DCLRE1C: variants seen among roughly 807,000 people sequenced by gnomAD.
The protein encoded by DCLRE1C is protein artemis.
In DCLRE1C, 47 loss-of-function variants were observed where a neutral mutation model predicts 61.4. The ratio of observed to expected loss-of-function variants is 0.77; its 90% CI spans 0.61 to 0.98. DCLRE1C has a LOEUF of 0.98. Among genes scored for constraint, DCLRE1C ranks in the 50% least tolerant of loss-of-function variants. The pLI is 0.00. For missense variants in DCLRE1C, 858 were observed against 816.0 expected, an observed-to-expected ratio of 1.05 and a Z score of -0.63; for synonymous variants, 337 against 287.6, an observed-to-expected ratio of 1.17 and a Z score of -1.74.
chr10:14,954,130 G>A, upstream of DCLRE1C: 1 of 1,541,846 alleles, frequency 6.5e-7, no homozygotes, highest in South Asian at 1.2e-5. Flanking sequence ...GCCGAACGCA[G>A]CCACGTCCAA....
chr10:14,912,840 CCTGG>C (rs1835496984), intron 13 of DCLRE1C, among the ~76,000 whole-genome samples: 1 of 152,156 alleles, frequency 6.6e-6, no homozygotes, highest in African/African-American at 2.4e-5. Context: ...CGCCACCACA[CCTGG>C]CTAATTTTTT....
chr10:14,945,949 C>T (rs1451950272), intron 2 of DCLRE1C, among the ~76,000 whole-genome samples: 15 of 147,484 alleles, frequency 1.0e-4, no homozygotes, highest in African/African-American at 3.3e-4. Flanking sequence ...AGAGCCACTG[C>T]GCCCGGCCTA....
At chr10:14,909,537 T>G (rs1834894208) in intron 13 of DCLRE1C, among the ~76,000 whole-genome samples, 1 of 151,310 alleles carries the variant, frequency 6.6e-6, no homozygotes, top group Non-Finnish European at 1.5e-5. Context: ...GTGGAGAATA[T>G]AGAGCAGTCA....
intron 1 of DCLRE1C, among the ~76,000 whole-genome samples, chr10:14,950,451 AC>A (rs916320151): frequency 6.6e-6 from 1 of 151,188 alleles, no homozygotes; most frequent in Non-Finnish European, 1.5e-5. Context: ...ACACACAAGC[AC>A]CCCCTCAATT....
chr10:14,898,756 C>T (rs1466138886), exon 14 of DCLRE1C: 1 of 153,658 alleles, frequency 6.5e-6, no homozygotes, highest in East Asian at 1.9e-4. Context: ...CTTAGACTTA[C>T]AGAATTGCAT....
intron 5 of DCLRE1C, among the ~76,000 whole-genome samples, chr10:14,935,906 C>A (rs957807380): frequency 8.5e-5 from 13 of 152,230 alleles, no homozygotes; most frequent in Admixed American, 2.6e-4. Flanking sequence ...TGAAGACTTC[C>A]ATTTATTTAT....
At chr10:14,910,268 T>A (rs541174115) in intron 13 of DCLRE1C, among the ~76,000 whole-genome samples, 5 of 152,370 alleles carry the variant, frequency 3.3e-5, no homozygotes, top group African/African-American at 1.2e-4. Flanking sequence ...GACTTGTAAC[T>A]GAACTTAGGG....
Position 14,907,160 on chromosome 10 carries a change from T to G in DCLRE1C, c.*1248A>C, listed in dbSNP as rs1392032988. Among the ~76,000 whole-genome samples the G allele has an allele frequency of 6.6e-6, 1 of 151,942 alleles. No individual in the cohort carries two copies. The highest frequency in any genetic ancestry group is 6.6e-5 in the Admixed American group (1 of 15,248). The stretch of plus-strand genomic sequence containing the variant: ...TTACTGTGCCTGGCCACCATTTAAT[T>G]CTTGAGCATTTTCTTTTATATTCTA... On this transcript the variant is annotated 3_prime_UTR_variant, in exon 14 of 14. Coordinates refer to ENST00000378278, the MANE Select transcript of DCLRE1C (RefSeq NM_001033855.3).
At chr10:14,926,647 C>A (rs894168508) in intron 11 of DCLRE1C, among the ~76,000 whole-genome samples, 196 bp downstream of exon 11, 2 of 138,988 alleles carry the variant, frequency 1.4e-5, no homozygotes, top group African/African-American at 2.7e-5. Flanking sequence ...GAGTAAAACA[C>A]TGTCTCAACC....
At chr10:14,912,435 A>T (rs114564057) in intron 13 of DCLRE1C, among the ~76,000 whole-genome samples, 1 of 152,104 alleles carries the variant, frequency 6.6e-6, no homozygotes, top group African/African-American at 2.4e-5. Context: ...TCTACCCCCC[A>T]CAAGAAATAA....
chr10:14,913,103 G>A (rs1482775144), intron 13 of DCLRE1C, among the ~76,000 whole-genome samples: 2 of 152,228 alleles, frequency 1.3e-5, no homozygotes, highest in African/African-American at 2.4e-5. Flanking sequence ...TGATCCACCT[G>A]CCTTGGCCTC....
intron 8 of DCLRE1C, 33 bp downstream of exon 8, chr10:14,934,347 A>C (rs779014574): frequency 6.3e-7 from 1 of 1,596,708 alleles, no homozygotes; most frequent in East Asian, 2.2e-5. Context: ...AAAAAAAGAA[A>C]AAAGAAAAGA....
At chr10:14,950,657 G>A (rs1030096120) in intron 1 of DCLRE1C, among the ~76,000 whole-genome samples, 2 of 152,204 alleles carry the variant, frequency 1.3e-5, no homozygotes, top group Non-Finnish European at 2.9e-5. Context: ...CGTAATTGGA[G>A]TTTCCAAAGA....
rs1213911811 is a variant in DCLRE1C at position 14,908,977 on chromosome 10, A to G, written c.1510T>C (p.Leu504=). 1.9e-6 allele frequency: 3 copies of G among 1,613,988 alleles called. No individual in the cohort carries two copies. Among genetic ancestry groups the G allele is most frequent in the African/African-American group, 2.7e-5 (2 of 74,898 alleles). The change falls in exon 14 of 14, where the codon TTG becomes CTG. Residue 504 remains leucine, a synonymous_variant. Transcript: ENST00000378278. ...ACTGTGGAGGAAGGGAAGTTTTCCA[A>G]ACTCTCATCTGTGATTTCATCATTT... ...KRNDEITDES[L]ENFPSSTVAG...
At chr10:14,897,755 C>G (rs149069257) in exon 14 of DCLRE1C, 2 of 294,628 alleles carry the variant, frequency 6.8e-6, no homozygotes, top group East Asian at 1.1e-4. Context: ...TCAACAAATA[C>G]ACATTCCTAC....
At position 14,908,600 on chromosome 10, in the gene DCLRE1C, A is replaced by G. The variant is rs749159797; in HGVS notation, c.1887T>C (p.His629=). ...TTAGCAAACTTTTTTCCTCGGGTAT[A>G]TGTGTCTCACTGCTTAGAGTAGTTG... ...GEPTTLSSET[H]IPEEKSLLNL... Residue 629 remains histidine (H), a synonymous_variant, in exon 14 of 14, where the codon CAT becomes CAC. Coordinates refer to ENST00000378278, the MANE Select transcript of DCLRE1C (RefSeq NM_001033855.3). 2.5e-6 allele frequency: 4 copies of G among 1,614,062 alleles called. No individual in the cohort carries two copies. The highest frequency in any genetic ancestry group is 3.3e-5 in the Admixed American group (2 of 60,004).
chr10:14,950,374 A>C (rs1021614508), intron 1 of DCLRE1C, among the ~76,000 whole-genome samples: 1 of 151,686 alleles, frequency 6.6e-6, no homozygotes, highest in East Asian at 1.9e-4. Context: ...AAAAAAAAAA[A>C]AACAAGAACA....
At chr10:14,930,664 C>T (rs550854967) in intron 9 of DCLRE1C, among the ~76,000 whole-genome samples, 1 of 152,220 alleles carries the variant, frequency 6.6e-6, no homozygotes, top group East Asian at 1.9e-4. Context: ...AACTGCTGAC[C>T]TCAAGTGATC....
downstream of DCLRE1C, chr10:14,904,461 A>C (rs1834233427): frequency 6.6e-6 from 1 of 151,452 alleles, no homozygotes; most frequent in South Asian, 2.1e-4. Context: ...CAGTGGCCAT[A>C]CTTTGAATTG....
Sources: gnomAD v4.1 joint callset for allele counts (sites outside exome capture counted in the v4.1 genomes callset) on GRCh38, gnomAD v4.1.1 for gene constraint, MANE v1.5 for transcripts, NCBI Gene and HGNC (gene_info 2026-07-23, HGNC 2026-07-21) for gene names.